CNTN4: variants seen among roughly 807,000 people sequenced by gnomAD.
CNTN4 encodes contactin 4.
In CNTN4, 77 loss-of-function variants were observed where a neutral mutation model predicts 122.5. The ratio of observed to expected loss-of-function variants is 0.63; its 90% confidence interval spans 0.52 to 0.76. The LOEUF is 0.76. CNTN4 is among the 30% of genes least tolerant of loss of function. The probability of loss-of-function intolerance (pLI) is 0.00; values close to 1 mark genes in which losing one functional copy is unlikely to be tolerated. For synonymous variants in CNTN4, 512 were observed against 447.0 expected (o/e 1.15, Z -1.83); for missense variants, 1,256 against 1,259.1 (o/e 1.00, Z 0.04).
chr3:2,933,306 A>G (rs2094540899), intron 13 of CNTN4, among the ~76,000 whole-genome samples: 1 of 152,108 alleles, frequency 6.6e-6, no homozygotes, highest in African/African-American at 2.4e-5. Flanking sequence ...TGTCAGGGTG[A>G]GATTCAACGG....
intron 4 of CNTN4, among the ~76,000 whole-genome samples, chr3:2,585,057 T>G (rs1368068807): frequency 6.6e-6 from 1 of 152,210 alleles, no homozygotes; most frequent in African/African-American, 2.4e-5. Flanking sequence ...ACTACATCAC[T>G]CACCTAATAT....
chr3:2,416,945 C>T (rs1022431537), intron 3 of CNTN4, among the ~76,000 whole-genome samples: 2 of 151,556 alleles, frequency 1.3e-5, no homozygotes, highest in African/African-American at 2.4e-5. Flanking sequence ...TGAGCCACCG[C>T]GCCCGGCCCA....
chr3:2,679,629 G>A (rs956869939), intron 4 of CNTN4, among the ~76,000 whole-genome samples: 4 of 152,160 alleles, frequency 2.6e-5, no homozygotes, highest in African/African-American at 9.7e-5. Flanking sequence ...GGGTCACCCT[G>A]AGCAGGTCAT....
At chr3:2,462,224 A>G (rs777279156) in intron 3 of CNTN4, among the ~76,000 whole-genome samples, 1 of 152,210 alleles carries the variant, frequency 6.6e-6, no homozygotes, top group Non-Finnish European at 1.5e-5. Flanking sequence ...AGTAGCCTCC[A>G]GTGTCCATGC....
intron 12 of CNTN4, among the ~76,000 whole-genome samples, chr3:2,924,228 C>T (rs986995114): frequency 8.5e-5 from 13 of 152,146 alleles, no homozygotes; most frequent in African/African-American, 3.1e-4. Context: ...CAAGATTTGA[C>T]TTGCTTCCAC....
intron 3 of CNTN4, among the ~76,000 whole-genome samples, chr3:2,442,313 T>A (rs1342900872): frequency 6.6e-6 from 1 of 152,060 alleles, no homozygotes; most frequent in African/African-American, 2.4e-5. Context: ...AAAAAATACC[T>A]AACAAAAAAT....
intron 4 of CNTN4, among the ~76,000 whole-genome samples, chr3:2,679,741 T>C (rs537851011): frequency 2.9e-4 from 44 of 152,276 alleles, no homozygotes; most frequent in African/African-American, 1.0e-3. Flanking sequence ...TTCTCAGACC[T>C]TATCTCCTGG....
At chr3:2,682,693 G>T (rs1336563457) in intron 4 of CNTN4, among the ~76,000 whole-genome samples, 1 of 152,030 alleles carries the variant, frequency 6.6e-6, no homozygotes, top group Non-Finnish European at 1.5e-5. Context: ...TGAAAGGTAG[G>T]AATTGGTTAA....
In CNTN4 at chr3:2,669,766, G is replaced by A. The variant is rs1205936296; in HGVS notation, c.56-66449G>A. On this transcript the variant is annotated intron_variant, in intron 4 of 24. Transcript: ENST00000418658. Reference sequence around the variant, plus strand: ...TTTCCCTCTACACACTCCTTTAAATGTGTCCCAGAGATTCTGGTATGTTGT... The same window carrying A: ...TTTCCCTCTACACACTCCTTTAAATATGTCCCAGAGATTCTGGTATGTTGT... Among the ~76,000 whole-genome samples the A allele has an allele frequency of 2.0e-5, 3 of 152,180 alleles. 1 individual carries two copies. Among genetic ancestry groups the A allele is most frequent in the South Asian group, 2.1e-4 (1 of 4,832 alleles).
intron 3 of CNTN4, among the ~76,000 whole-genome samples, chr3:2,389,307 CGTG>C (rs2046361865): frequency 1.9e-5 from 2 of 104,700 alleles, no homozygotes; most frequent in Non-Finnish European, 4.5e-5. Flanking sequence ...AAACCTTCCC[CGTG>C]ATGTATCTTC....
chr3:2,634,245 TC>T lies in CNTN4; in HGVS notation c.55+62689del, dbSNP rs140536246. Among the ~76,000 whole-genome samples the T allele has an allele frequency of 2.1e-3, 314 of 152,346 alleles. 13 individuals are homozygous for T. In the East Asian group the frequency reaches 0.056, roughly 27 times the overall value. ...TGTAGTATTTTCTCTTAGATATTAC[TC>T]CATTTGAACTAGTCTATAATGCAAA... On this transcript the variant is annotated intron_variant, in intron 4 of 24. Transcript: ENST00000418658.
At chr3:2,616,752 T>G (rs187463293) in intron 4 of CNTN4, among the ~76,000 whole-genome samples, 1 of 152,260 alleles carries the variant, frequency 6.6e-6, no homozygotes, top group African/African-American at 2.4e-5. Context: ...ACTACAAAGC[T>G]ACAGTAACGA....
chr3:2,571,277 T>A, intron 3 of CNTN4, 139 bp from the exon 4 acceptor site: 2 of 588,960 alleles, frequency 3.4e-6, no homozygotes, highest in South Asian at 4.0e-5. Flanking sequence ...ATATTCATAA[T>A]TTAACATGTC....
chr3:2,923,013 T>C (rs115899575), intron 12 of CNTN4, among the ~76,000 whole-genome samples: 2,043 of 152,364 alleles, frequency 0.013, 50 homozygotes, highest in African/African-American at 0.047. Flanking sequence ...ACATTACAAA[T>C]GCTTTTGAAA....
intron 13 of CNTN4, among the ~76,000 whole-genome samples, chr3:2,964,673 G>A (rs1692117039): frequency 1.3e-5 from 2 of 152,236 alleles, no homozygotes; most frequent in African/African-American, 4.8e-5. Flanking sequence ...GATAATAATA[G>A]CAAACACCAG....
chr3:2,659,269 C>T (rs1179007474), intron 4 of CNTN4, among the ~76,000 whole-genome samples: 1 of 151,832 alleles, frequency 6.6e-6, no homozygotes, highest in African/African-American at 2.4e-5. Flanking sequence ...GGAGACCAGC[C>T]TGGCCAACAT....
At chr3:2,421,134 A>G (rs1348694325) in intron 3 of CNTN4, among the ~76,000 whole-genome samples, 2 of 152,088 alleles carry the variant, frequency 1.3e-5, no homozygotes, top group Non-Finnish European at 2.9e-5. Flanking sequence ...TTCCAGTCCC[A>G]GTTTAGCCCT....
chr3:2,630,701 AGTGTGTGTGT>A (rs10689131), intron 4 of CNTN4, among the ~76,000 whole-genome samples: 127 of 137,368 alleles, frequency 9.2e-4, no homozygotes, highest in African/African-American at 3.3e-3. Context: ...TTATTAAGGG[AGTGTGTGTGT>A]GTGTGTGTGT....
chr3:2,819,581 G>A lies in CNTN4; in HGVS notation c.454G>A (p.Glu152Lys). Reference protein sequence around the residue: ...LLCGPPPHSGELSYAWIFNEY... With the variant: ...LLCGPPPHSGKLSYAWIFNEY... ...GTGTGGCCCGCCACCCCATTCTGGA[G>A]GTACATATAAATGAACTGACATATG... Residue 152 changes from glutamate (E) to lysine (K), a missense_variant and splice_region_variant, in exon 7 of 25, where the codon GAG (glutamate) becomes AAG (lysine). Coordinates refer to ENST00000418658, the MANE Select transcript of CNTN4 (RefSeq NM_175607.3). The A allele has an allele frequency of 6.2e-7, 1 of 1,607,384 alleles. No individual in the cohort carries two copies. The highest frequency in any genetic ancestry group is 2.2e-5 in the East Asian group (1 of 44,840).
Sources: gnomAD v4.1 joint callset for allele counts (sites outside exome capture counted in the v4.1 genomes callset) on GRCh38, gnomAD v4.1.1 for gene constraint, MANE v1.5 for transcripts, NCBI Gene and HGNC (gene_info 2026-07-23, HGNC 2026-07-21) for gene names.